Variants in SCLT1 observed in about 807,000 individuals in gnomAD.
The protein encoded by SCLT1 is sodium channel and clathrin linker 1, also known as sodium channel-associated protein 1.
In SCLT1, 78 loss-of-function variants were observed where a neutral mutation model predicts 112.8. The ratio of observed to expected loss-of-function variants is 0.69; its 90% CI spans 0.58 to 0.83. The LOEUF (loss-of-function observed/expected upper bound fraction) is 0.83. Ranked by LOEUF, SCLT1 falls within the 40% of genes least tolerant of loss-of-function variation. SCLT1 has a pLI of 0.00. For missense variants in SCLT1, 747 were observed against 770.4 expected (o/e 0.97, Z 0.36); for synonymous variants, 257 against 254.7 (o/e 1.01, Z -0.09).
At chr4:128,952,045 TCTA>T (rs1738795005) in intron 14 of SCLT1, among the ~76,000 whole-genome samples, 1 of 152,140 alleles carries the variant, frequency 6.6e-6, no homozygotes. Flanking sequence ...GGCGTAAGAC[TCTA>T]CTATGTTGAG....
intron 5 of SCLT1, chr4:128,873,573 A>T (rs1290380364): frequency 6.6e-6 from 1 of 152,638 alleles, no homozygotes; most frequent in Non-Finnish European, 1.5e-5. Flanking sequence ...GTGCGTATGT[A>T]TTAAGACAGT....
At chr4:128,918,767 G>C (rs948098988) in intron 18 of SCLT1, among the ~76,000 whole-genome samples, 5 of 151,820 alleles carry the variant, frequency 3.3e-5, no homozygotes, top group African/African-American at 1.2e-4. Flanking sequence ...AACAAAGCAG[G>C]GATTGCTATT....
chr4:128,992,975 G>A (rs981946575), intron 8 of SCLT1, among the ~76,000 whole-genome samples: 4 of 151,998 alleles, frequency 2.6e-5, no homozygotes, highest in East Asian at 3.9e-4. Context: ...GGTTGCTCCC[G>A]ATTGATCTTA....
At chr4:128,980,807 T>G (rs1335521635) in intron 9 of SCLT1, among the ~76,000 whole-genome samples, 2 of 152,186 alleles carry the variant, frequency 1.3e-5, no homozygotes, top group Non-Finnish European at 2.9e-5. Flanking sequence ...GTGTGTTGTT[T>G]TGGAAATCAA....
At chr4:129,065,356 T>C (rs1301524385) in intron 2 of SCLT1, among the ~76,000 whole-genome samples, 3 of 152,098 alleles carry the variant, frequency 2.0e-5, no homozygotes. Context: ...TGTGTGTGTG[T>C]ATGCGTGTGC....
At chr4:128,949,310 G>C (rs1738487974) in intron 14 of SCLT1, among the ~76,000 whole-genome samples, 1 of 148,238 alleles carries the variant, frequency 6.7e-6, no homozygotes, top group African/African-American at 2.5e-5. Flanking sequence ...GCCCCACCCT[G>C]TTTGCGACCC....
At chr4:128,889,165 C>T (rs991974462) in intron 19 of SCLT1, among the ~76,000 whole-genome samples, 2 of 152,156 alleles carry the variant, frequency 1.3e-5, no homozygotes, top group Non-Finnish European at 2.9e-5. Context: ...AAGACATCTG[C>T]ATACTCCAGA....
chr4:128,895,546 C>G (rs1047637975), intron 18 of SCLT1, among the ~76,000 whole-genome samples: 9 of 152,092 alleles, frequency 5.9e-5, no homozygotes, highest in African/African-American at 2.2e-4. Flanking sequence ...AGACTGCACC[C>G]TTGGTGGGGT....
chr4:128,970,589 T>C, intron 9 of SCLT1, 121 bp from the exon 10 acceptor site: 2 of 615,102 alleles, frequency 3.3e-6, no homozygotes, highest in Non-Finnish European at 5.7e-6. Flanking sequence ...AATGGATCCA[T>C]GGAATAAATT....
intron 2 of SCLT1, among the ~76,000 whole-genome samples, chr4:129,070,187 T>A (rs1401909810): frequency 1.3e-5 from 2 of 152,182 alleles, no homozygotes; most frequent in Non-Finnish European, 2.9e-5. Flanking sequence ...TTAGTATCTA[T>A]GTTTATCAAG....
intron 2 of SCLT1, among the ~76,000 whole-genome samples, chr4:129,067,921 G>A (rs894670451): frequency 6.6e-6 from 1 of 151,234 alleles, no homozygotes; most frequent in Non-Finnish European, 1.5e-5. Context: ...GATGATTTGT[G>A]ACATTTTGGT....
chr4:129,029,448 G>T (rs1400012075), intron 5 of SCLT1, among the ~76,000 whole-genome samples: 2 of 150,708 alleles, frequency 1.3e-5, no homozygotes, highest in African/African-American at 4.9e-5. Flanking sequence ...AACACCGCAT[G>T]TTCTCACTCA....
chr4:128,874,595 C>G (rs947693874), intron 4 of SCLT1: 1 of 152,502 alleles, frequency 6.6e-6, no homozygotes, highest in South Asian at 2.1e-4. Context: ...GGATAGAGCA[C>G]GGTTTCTCTG....
intron 1 of SCLT1, among the ~76,000 whole-genome samples, chr4:129,085,765 A>G (rs1203570878): frequency 2.6e-5 from 4 of 152,230 alleles, no homozygotes; most frequent in African/African-American, 7.2e-5. Flanking sequence ...ATGCAGGAAC[A>G]GAAAACCAAG....
intron 9 of SCLT1, chr4:128,971,668 A>C (rs530746291): frequency 6.6e-4 from 101 of 152,290 alleles, no homozygotes; most frequent in African/African-American, 2.4e-3. Context: ...GGTCCTAATA[A>C]TATTTTATAT....
intron 7 of SCLT1, 79 bp from the exon 8 acceptor site, chr4:128,998,018 A>C: frequency 3.3e-6 from 2 of 611,726 alleles, no homozygotes; most frequent in Non-Finnish European, 5.2e-6. Flanking sequence ...ACTAAAATCA[A>C]GTCTAAAATC....
chr4:128,910,084 C>T (rs184983557), intron 18 of SCLT1, among the ~76,000 whole-genome samples: 19 of 152,266 alleles, frequency 1.2e-4, no homozygotes, highest in African/African-American at 4.1e-4. Flanking sequence ...CGTATGTCAC[C>T]GCATGCTTAT....
intron 1 of SCLT1, among the ~76,000 whole-genome samples, chr4:129,083,185 T>TG (rs1231169145): frequency 5.8e-5 from 1 of 17,190 alleles, no homozygotes; most frequent in Non-Finnish European, 3.1e-4. Context: ...AGTGAGACTC[T>TG]GAAAAAAAAA....
rs575191609 is a variant in SCLT1 at position 128,979,295 on chromosome 4, A to C, written c.687-8827T>G. ...GAAATCTCATATAAATACAACCTTC[A>C]TATAACTCTCAATGTAATGATATTA... On this transcript the variant is annotated intron_variant, in intron 9 of 20. Coordinates refer to ENST00000281142, the MANE Select transcript of SCLT1 (RefSeq NM_144643.4). 7.2e-5 allele frequency among the ~76,000 whole-genome samples: 11 copies of C among 152,280 alleles called. No homozygotes were observed. The East Asian group carries it at 1.9e-3, about 27-fold the overall frequency.
Sources: gnomAD v4.1 joint callset for allele counts (sites outside exome capture counted in the v4.1 genomes callset) on GRCh38, gnomAD v4.1.1 for gene constraint, MANE v1.5 for transcripts, NCBI Gene and HGNC (gene_info 2026-07-23, HGNC 2026-07-21) for gene names.